UBE2Z: variants seen among roughly 807,000 people sequenced by gnomAD.
The protein encoded by UBE2Z is ubiquitin-conjugating enzyme E2 Z.
In UBE2Z, 10 loss-of-function variants were observed where a neutral mutation model predicts 32.6. That is an observed-to-expected ratio of 0.31 (90% CI 0.19 to 0.52). The LOEUF is 0.52. UBE2Z is among the 20% of genes least tolerant of loss of function. The pLI is 0.97. For synonymous variants in UBE2Z, 183 were observed against 190.8 expected, an observed-to-expected ratio of 0.96 and a Z score of 0.34; for missense variants, 343 against 480.9, an observed-to-expected ratio of 0.71 and a Z score of 2.68.
At chr17:48,918,405 C>T (rs1378245598) in intron 4 of UBE2Z, among the ~76,000 whole-genome samples, 1 of 151,304 alleles carries the variant, frequency 6.6e-6, no homozygotes, top group Non-Finnish European at 1.5e-5. Context: ...GTGATCTCGG[C>T]TCACTGCAGC....
chr17:48,908,841 C>T (rs2040649682), intron 1 of UBE2Z, 21 bp downstream of exon 1: 1 of 1,472,874 alleles, frequency 6.8e-7, no homozygotes, highest in Non-Finnish European at 9.0e-7. Context: ...GTTTTTCCTC[C>T]CCCAGCCCCG....
intron 4 of UBE2Z, among the ~76,000 whole-genome samples, chr17:48,916,622 A>G (rs1339015049): frequency 1.8e-5 from 2 of 110,900 alleles, no homozygotes; most frequent in African/African-American, 5.6e-5. Flanking sequence ...TTTTGGACCT[A>G]GCACAGCCCC....
Position 48,928,119 on chromosome 17 carries a change from G to A in UBE2Z, c.*985G>A, listed in dbSNP as rs2040809517. The A allele has an allele frequency of 6.6e-6, 1 of 152,248 alleles. No homozygotes were observed. Among genetic ancestry groups the A allele is most frequent in the African/African-American group, 2.4e-5 (1 of 41,438 alleles). The allele number at this position is 152,248 out of a possible 1,614,324, so 9.4% of individuals were successfully genotyped here. ...TTGTGTATTTTCACCCCAGCCTGTAGTCCTCCTCACTTCAACCCCAGGGAT... is the reference window on the plus strand; with the variant it reads ...TTGTGTATTTTCACCCCAGCCTGTAATCCTCCTCACTTCAACCCCAGGGAT... On this transcript the variant is annotated 3_prime_UTR_variant, in exon 7 of 7. Transcript: ENST00000360943.
At chr17:48,914,488 G>T (rs937829363) in intron 3 of UBE2Z, among the ~76,000 whole-genome samples, 3 of 152,196 alleles carry the variant, frequency 2.0e-5, no homozygotes, top group Non-Finnish European at 4.4e-5. Context: ...TCTCGTTAGG[G>T]TACTTAATTA....
intron 6 of UBE2Z, among the ~76,000 whole-genome samples, 181 bp from the exon 7 acceptor site, chr17:48,926,783 G>T (rs908563473): frequency 1.3e-5 from 2 of 152,096 alleles, no homozygotes; most frequent in Non-Finnish European, 1.5e-5. Flanking sequence ...GCCTGGCCCA[G>T]GTGTCATATT....
intron 4 of UBE2Z, among the ~76,000 whole-genome samples, chr17:48,918,320 C>T (rs988699866): frequency 2.0e-5 from 3 of 152,160 alleles, no homozygotes; most frequent in African/African-American, 2.4e-5. Flanking sequence ...TAATAAAATG[C>T]CTTTCAAAAA....
chr17:48,908,770 C>A lies in UBE2Z; in HGVS notation c.267C>A (p.Ser89=), dbSNP rs1434474660. ...LLSHWDPTLS[S]DWDGERTAPQ... ...GCCACTGGGACCCCACGCTCAGCTC[C>A]GACTGGGACGGCGAGCGCACCGCGC... Residue 89 remains serine (S), a synonymous_variant, in exon 1 of 7, where the codon TCC becomes TCA. Transcript: ENST00000360943. The A allele has an allele frequency of 1.3e-6, 2 of 1,507,552 alleles. No homozygotes were observed. Among genetic ancestry groups the A allele is most frequent in the African/African-American group, 1.4e-5 (1 of 69,690 alleles). 93.4% of individuals were successfully genotyped at this position (1,507,552 alleles called of 1,614,324 possible).
In UBE2Z at chr17:48,922,147, G is replaced by C. The variant is rs182819801; in HGVS notation, c.804-700G>C. Among the ~76,000 whole-genome samples the C allele has an allele frequency of 2.1e-3, 326 of 152,286 alleles. 1 individual carries two copies. The highest frequency in any genetic ancestry group is 7.5e-3 in the African/African-American group (312 of 41,556). On this transcript the variant is annotated intron_variant, in intron 5 of 6. Coordinates refer to ENST00000360943, the MANE Select transcript of UBE2Z (RefSeq NM_023079.5). ...AAAGGAACTGTAATCCCAGCACTTT[G>C]GGAGGCCAAGGAAGGCAGATCACCA...
chr17:48,921,287 G>T lies in UBE2Z; in HGVS notation c.803+15G>T. On this transcript the variant is annotated intron_variant, in intron 5 of 6. Coordinates refer to ENST00000360943, the MANE Select transcript of UBE2Z (RefSeq NM_023079.5). Reference sequence around the variant, plus strand: ...GAACCCCTACGGTATGTGTCAAGCGGGCTTGCTTGGTATTCCTTTCGGGCA... The same window carrying T: ...GAACCCCTACGGTATGTGTCAAGCGTGCTTGCTTGGTATTCCTTTCGGGCA... 6.3e-7 allele frequency: 1 copy of T among 1,595,962 alleles called. No homozygotes were observed. Among genetic ancestry groups the T allele is most frequent in the Non-Finnish European group, 8.5e-7 (1 of 1,169,742 alleles).
At chr17:48,917,167 G>A (rs1445770276) in intron 4 of UBE2Z, among the ~76,000 whole-genome samples, 1 of 152,138 alleles carries the variant, frequency 6.6e-6, no homozygotes, top group Non-Finnish European at 1.5e-5. Context: ...TTAGCTGGGT[G>A]TGGTGGCAGG....
intron 6 of UBE2Z, among the ~76,000 whole-genome samples, chr17:48,924,299 C>T (rs1192621197): frequency 6.6e-6 from 1 of 152,170 alleles, no homozygotes; most frequent in Non-Finnish European, 1.5e-5. Flanking sequence ...AGCTAAGATG[C>T]GTTCAGCCCT....
At chr17:48,909,753 C>T (rs1039322003) in intron 1 of UBE2Z, among the ~76,000 whole-genome samples, 1 of 152,062 alleles carries the variant, frequency 6.6e-6, no homozygotes, top group Non-Finnish European at 1.5e-5. Flanking sequence ...AGCTATTAAT[C>T]CTGAAACCTG....
intron 3 of UBE2Z, 78 bp downstream of exon 3, chr17:48,913,099 C>T: frequency 7.1e-7 from 1 of 1,417,190 alleles, no homozygotes; most frequent in Non-Finnish European, 9.7e-7. Flanking sequence ...AACCGGAGTC[C>T]CTCATCTGAA....
At chr17:48,911,115 A>G (rs2040673715) in intron 2 of UBE2Z, 1 of 513,968 alleles carries the variant, frequency 1.9e-6, no homozygotes, top group Non-Finnish European at 3.5e-6. Flanking sequence ...ATCCCAGTTC[A>G]TGTCTGTTGT....
chr17:48,919,570 G>A (rs1462083383), intron 4 of UBE2Z, among the ~76,000 whole-genome samples: 2 of 152,178 alleles, frequency 1.3e-5, no homozygotes, highest in Non-Finnish European at 2.9e-5. Flanking sequence ...TCGAACTCCT[G>A]GGCTTTAGCC....
chr17:48,916,945 G>C (rs1269807155), intron 4 of UBE2Z, among the ~76,000 whole-genome samples: 2 of 152,020 alleles, frequency 1.3e-5, no homozygotes, highest in Non-Finnish European at 2.9e-5. Flanking sequence ...AGAGGTTGCA[G>C]TGAGCTGAGA....
chr17:48,910,733 A>G (rs1158778639), intron 1 of UBE2Z, 75 bp from the exon 2 acceptor site: 10 of 1,144,734 alleles, frequency 8.7e-6, no homozygotes, highest in South Asian at 1.2e-5. Flanking sequence ...GGTGATAACA[A>G]CTGTCCTGCT....
At chr17:48,914,613 A>C (rs1321745793) in intron 3 of UBE2Z, among the ~76,000 whole-genome samples, 1 of 152,224 alleles carries the variant, frequency 6.6e-6, no homozygotes, top group Non-Finnish European at 1.5e-5. Context: ...CATTGGGTCA[A>C]TATAAAACTC....
intron 6 of UBE2Z, 59 bp from the exon 7 acceptor site, chr17:48,926,905 T>C: frequency 6.5e-7 from 1 of 1,545,618 alleles, no homozygotes; most frequent in Non-Finnish European, 8.7e-7. Context: ...GAAGTTGCTT[T>C]CTCTAGGATC....
Sources: gnomAD v4.1 joint callset for allele counts (sites outside exome capture counted in the v4.1 genomes callset) on GRCh38, gnomAD v4.1.1 for gene constraint, MANE v1.5 for transcripts, NCBI Gene and HGNC (gene_info 2026-07-23, HGNC 2026-07-21) for gene names.